XPO5: variants seen among roughly 807,000 people sequenced by gnomAD.
XPO5 encodes exportin-5.
A neutral mutation model predicts 160.6 loss-of-function variants in XPO5; 46 were observed. That is an observed-to-expected ratio of 0.29 (90% confidence interval 0.23 to 0.37). XPO5 has a LOEUF of 0.37. Ranked by LOEUF, XPO5 falls within the 10% of genes least tolerant of loss-of-function variation. XPO5 has a pLI of 1.00. For missense variants in XPO5, 1,090 were observed against 1,463.9 expected, an observed-to-expected ratio of 0.74 and a Z score of 4.17; for synonymous variants, 537 against 519.3, an observed-to-expected ratio of 1.03 and a Z score of -0.46.
chr6:43,529,746 C>T (rs1317724939), intron 23 of XPO5, among the ~76,000 whole-genome samples: 1 of 150,660 alleles, frequency 6.6e-6, no homozygotes, highest in Admixed American at 6.6e-5. Context: ...ATAATACAGA[C>T]CCATCTCTAC....
Position 43,535,979 on chromosome 6 carries a change from C to T in XPO5, c.2343-1972G>A, listed in dbSNP as rs144919248. 1.2e-3 allele frequency among the ~76,000 whole-genome samples: 183 copies of T among 150,236 alleles called. 1 individual carries two copies. Among genetic ancestry groups the T allele is most frequent in the African/African-American group, 4.2e-3 (173 of 40,714 alleles). Reference sequence around the variant, plus strand: ...CTCTACTAAAAATATAAAAATTAGACGAGTATGGCGGTGCATGCCTGTAAT... The same window carrying T: ...CTCTACTAAAAATATAAAAATTAGATGAGTATGGCGGTGCATGCCTGTAAT... On this transcript the variant is annotated intron_variant, in intron 20 of 31. Coordinates refer to ENST00000265351, the MANE Select transcript of XPO5 (RefSeq NM_020750.3).
Position 43,572,494 on chromosome 6 carries a change from C to T in XPO5, c.300+12G>A, listed in dbSNP as rs751480687. 5.0e-5 allele frequency: 81 copies of T among 1,613,626 alleles called. No individual in the cohort carries two copies. Among genetic ancestry groups the T allele is most frequent in the African/African-American group, 8.0e-5 (6 of 74,912 alleles). On this transcript the variant is annotated intron_variant, in intron 3 of 31. Coordinates refer to ENST00000265351, the MANE Select transcript of XPO5 (RefSeq NM_020750.3). ...ACCTTGGAAACATGTCTCCCAACCA[C>T]CCATTCCTTACATTTGCAATCAGCT...
rs1561861650 is a variant in XPO5, at chr6:43,524,645, G to C, written c.3313-10C>G. On this transcript the variant is annotated splice_polypyrimidine_tract_variant and intron_variant, in intron 30 of 31. Coordinates refer to ENST00000265351, the MANE Select transcript of XPO5 (RefSeq NM_020750.3). ...CCAGGTACCTGGGGCGCTGATATCA[G>C]CAGGGATAAACTTACTGGATGTAGG... 6.2e-7 allele frequency: 1 copy of C among 1,613,026 alleles called. No homozygotes were observed. Among genetic ancestry groups the C allele is most frequent in the East Asian group, 2.2e-5 (1 of 44,858 alleles).
In XPO5 at chr6:43,523,796, G is replaced by T; in HGVS notation, c.*72C>A. 1.2e-6 allele frequency: 2 copies of T among 1,611,692 alleles called. No individual in the cohort carries two copies. Among genetic ancestry groups the T allele is most frequent in the African/African-American group, 1.3e-5 (1 of 74,990 alleles). ...AAAGTGAGGTGGCAGTGCAAGAAGG[G>T]CCTAGAGATCGGCTACAAAGGGAAA... On this transcript the variant is annotated 3_prime_UTR_variant, in exon 32 of 32. Transcript: ENST00000265351.
Position 43,525,554 on chromosome 6 carries a change from AG to A in XPO5, c.3066+284del, listed in dbSNP as rs2127698956. 4 of 526,006 alleles carry A rather than the reference AG, an allele frequency of 7.6e-6. No individual in the cohort carries two copies. The Admixed American group carries it at 1.1e-4, about 14-fold the overall frequency. 32.6% of individuals were successfully genotyped at this position (526,006 alleles called of 1,614,324 possible). A position where few individuals can be genotyped will look rare whatever the true frequency, so the allele number is the denominator to read the frequency against. ...AAAATGTGAGAAAACCTGTATGTGT[AG>A]GATGGAGACAAAGCTCAGGCCTGGC... is the stretch of plus-strand genomic sequence containing the variant. On this transcript the variant is annotated intron_variant, in intron 28 of 31. Coordinates refer to ENST00000265351, the MANE Select transcript of XPO5 (RefSeq NM_020750.3).
intron 25 of XPO5, 63 bp from the exon 26 acceptor site, chr6:43,527,794 C>A: frequency 6.4e-7 from 1 of 1,562,782 alleles, no homozygotes; most frequent in Non-Finnish European, 8.8e-7. Context: ...AGGAAAGCAG[C>A]GACCCTAATC....
chr6:43,561,215 T>G (rs1291852540), intron 9 of XPO5, among the ~76,000 whole-genome samples: 1 of 152,150 alleles, frequency 6.6e-6, no homozygotes, highest in Non-Finnish European at 1.5e-5. Flanking sequence ...TTACTTTGCC[T>G]ACTCAATCAT....
chr6:43,548,741 T>C (rs1044635391), intron 17 of XPO5, among the ~76,000 whole-genome samples: 8 of 150,770 alleles, frequency 5.3e-5, no homozygotes, highest in African/African-American at 1.7e-4. Flanking sequence ...TAGATATATA[T>C]GTATATCTAT....
Position 43,555,879 on chromosome 6 carries a change from T to A in XPO5, c.1398A>T (p.Leu466=). The A allele has an allele frequency of 6.2e-7, 1 of 1,613,980 alleles. No individual in the cohort carries two copies. The highest frequency in any genetic ancestry group is 1.6e-4 in the Middle Eastern group (1 of 6,062). ...CAAGAAAAGTTGATAGTTGATACTT[T>A]AGCCACTCCCCAGCCATCTGGAAGC... ...KTSFQMAGEW[L]KYQLSTFLDA... The change falls in exon 13 of 32, where the codon CTA becomes CTT. Residue 466 remains leucine (L), a synonymous_variant. Coordinates refer to ENST00000265351, the MANE Select transcript of XPO5 (RefSeq NM_020750.3).
chr6:43,556,126 C>T (rs569069422), intron 12 of XPO5, 162 bp from the exon 13 acceptor site: 32 of 938,726 alleles, frequency 3.4e-5, no homozygotes, highest in South Asian at 4.3e-5. Context: ...ACTTTATTAA[C>T]GAATCCAGAA....
chr6:43,576,017 G>C lies in XPO5; in HGVS notation c.-153C>G. On this transcript the variant is annotated 5_prime_UTR_variant, in exon 1 of 32. Coordinates refer to ENST00000265351, the MANE Select transcript of XPO5 (RefSeq NM_020750.3). ...GGAGCGTTAGCAGCAACTCGCGCTGGGAAGAAGCCGGCGCTGCGCACGCGC... is the reference window on the plus strand; with the variant it reads ...GGAGCGTTAGCAGCAACTCGCGCTGCGAAGAAGCCGGCGCTGCGCACGCGC... The C allele has an allele frequency of 3.2e-6, 2 of 629,728 alleles. No homozygotes were observed. The highest frequency in any genetic ancestry group is 5.3e-6 in the Non-Finnish European group (2 of 380,824). 39.0% of individuals were successfully genotyped at this position (629,728 alleles called of 1,614,324 possible).
At chr6:43,527,052 C>T (rs1044312295) in intron 26 of XPO5, 3 of 290,326 alleles carry the variant, frequency 1.0e-5, no homozygotes, top group African/African-American at 6.3e-5. Context: ...CAAAATGACA[C>T]AGTAAAAATA....
At chr6:43,524,138 G>C in intron 31 of XPO5, 133 bp from the exon 32 acceptor site, 1 of 1,327,794 alleles carries the variant, frequency 7.5e-7, no homozygotes, top group Non-Finnish European at 1.0e-6. Context: ...GATCACCTGA[G>C]GTCAGGAGTT....
rs7767973 is a variant in XPO5 at position 43,534,096 on chromosome 6, T to C, written c.2343-89A>G. ...CTTGTAATCCAGTGATACTACAGTT[T>C]CACACAGATCTGCCCATCAACTCCT... On this transcript the variant is annotated intron_variant, in intron 20 of 31. Coordinates refer to ENST00000265351, the MANE Select transcript of XPO5 (RefSeq NM_020750.3). 91,250 of 960,600 alleles carry C rather than the reference T, an allele frequency of 0.095. 10,643 individuals carry two copies. Among genetic ancestry groups the C allele is most frequent in the African/African-American group, 0.52 (31,592 of 61,186 alleles). 59.5% of individuals were successfully genotyped at this position (960,600 alleles called of 1,614,324 possible). A position where few individuals can be genotyped will look rare whatever the true frequency, so the allele number is the denominator to read the frequency against.
At chr6:43,524,674 G>A (rs1251304475) in intron 30 of XPO5, 39 bp from the exon 31 acceptor site, 1 of 1,601,372 alleles carries the variant, frequency 6.2e-7, no homozygotes, top group Non-Finnish European at 8.5e-7. Flanking sequence ...ATGTAGGTTT[G>A]GATATTGCCA....
Position 43,560,314 on chromosome 6 carries a change from A to G in XPO5, c.1096-11T>C. 2.5e-6 allele frequency: 4 copies of G among 1,584,954 alleles called. No individual in the cohort carries two copies. The highest frequency in any genetic ancestry group is 3.4e-6 in the Non-Finnish European group (4 of 1,169,288). ...TGAAGAGCGTAGAAACTAAAGAGAA[A>G]AAAAAAAGAAAACGTCAAAGGATTT... On this transcript the variant is annotated splice_polypyrimidine_tract_variant and intron_variant, in intron 10 of 31. Coordinates refer to ENST00000265351, the MANE Select transcript of XPO5 (RefSeq NM_020750.3).
Position 43,530,766 on chromosome 6 carries a change from C to T in XPO5, c.2599G>A (p.Asp867Asn), listed in dbSNP as rs775375099. The T allele has an allele frequency of 6.2e-7, 1 of 1,613,886 alleles. No individual in the cohort carries two copies. ...SMQQDFYTVE[D>N]LATQLLSSAF... is the part of the protein sequence containing the mutation. ...GAGCTGAGAAGCTGGGTAGCAAGGTCCTCCACAGTATAGAAGTCTTGCTGC... is the reference window on the plus strand; with the variant it reads ...GAGCTGAGAAGCTGGGTAGCAAGGTTCTCCACAGTATAGAAGTCTTGCTGC... Residue 867 changes from aspartate (D) to asparagine (N), a missense_variant, in exon 23 of 32, where the codon GAC becomes AAC. Transcript: ENST00000265351.
chr6:43,553,901 G>A (rs1449180486), intron 13 of XPO5, among the ~76,000 whole-genome samples: 1 of 152,042 alleles, frequency 6.6e-6, no homozygotes, highest in East Asian at 1.9e-4. Flanking sequence ...TTTTCCATGA[G>A]AATCTAAATA....
rs922076395 is a variant in XPO5 at position 43,527,454 on chromosome 6, A to C, written c.2920+180T>G. On this transcript the variant is annotated intron_variant, in intron 26 of 31. Transcript: ENST00000265351. ...ACGCCCAGCTAATTTTTGTATTATTAGTAGAGACAGGGTTTCACCATGTTG... is the reference window on the plus strand; with the variant it reads ...ACGCCCAGCTAATTTTTGTATTATTCGTAGAGACAGGGTTTCACCATGTTG... 32 of 574,486 alleles carry C rather than the reference A, an allele frequency of 5.6e-5. No individual in the cohort carries two copies. The East Asian group carries it at 9.9e-4, about 18-fold the overall frequency. 35.6% of individuals were successfully genotyped at this position (574,486 alleles called of 1,614,324 possible). A position where few individuals can be genotyped will look rare whatever the true frequency, so the allele number is the denominator to read the frequency against.
Sources: allele counts gnomAD v4.1 joint callset (sites outside exome capture counted in the v4.1 genomes callset), GRCh38; gene constraint gnomAD v4.1.1; transcripts MANE v1.5; gene names NCBI Gene and HGNC (gene_info 2026-07-23, HGNC 2026-07-21).